PPP2R2B: variants seen among roughly 807,000 people sequenced by gnomAD.
The protein encoded by PPP2R2B is protein phosphatase 2 regulatory subunit Bbeta, also known as serine/threonine-protein phosphatase 2A 55 kDa regulatory subunit B beta isoform.
In PPP2R2B, 5 loss-of-function variants were observed where a neutral mutation model predicts 46.0. That is an observed-to-expected ratio of 0.11 (90% CI 0.06 to 0.23). The LOEUF is 0.23. Ranked by LOEUF, PPP2R2B falls within the 10% of genes least tolerant of loss-of-function variation. The pLI, the probability that PPP2R2B is intolerant of heterozygous loss-of-function variation, is 1.00. For synonymous variants in PPP2R2B, 215 were observed against 206.7 expected, an observed-to-expected ratio of 1.04 and a Z score of -0.34; for missense variants, 367 against 575.0, an observed-to-expected ratio of 0.64 and a Z score of 3.70.
chr5:147,076,896 G>A (rs1477694492), intron 2 of PPP2R2B, among the ~76,000 whole-genome samples: 4 of 151,832 alleles, frequency 2.6e-5, no homozygotes, highest in Non-Finnish European at 5.9e-5. Context: ...AATGCTTATT[G>A]TTGAACTCAC....
At chr5:147,077,723 C>A (rs532104175) in intron 2 of PPP2R2B, among the ~76,000 whole-genome samples, 1 of 152,232 alleles carries the variant, frequency 6.6e-6, no homozygotes, top group East Asian at 1.9e-4. Flanking sequence ...TGTGACCAAC[C>A]TAATTCTTCT....
chr5:147,020,804 C>T (rs1287266215), intron 1 of PPP2R2B, among the ~76,000 whole-genome samples: 1 of 152,088 alleles, frequency 6.6e-6, no homozygotes, highest in African/African-American at 2.4e-5. Flanking sequence ...GAAGTTCAGG[C>T]ATTTATATTC....
At chr5:147,071,474 T>C (rs1458281490) in intron 2 of PPP2R2B, among the ~76,000 whole-genome samples, 3 of 152,182 alleles carry the variant, frequency 2.0e-5, no homozygotes, top group Non-Finnish European at 4.4e-5. Flanking sequence ...TCTGCCATCA[T>C]CTGTCTCCAT....
chr5:146,906,306 C>CATTTATTT (rs35217325), intron 1 of PPP2R2B, among the ~76,000 whole-genome samples: 32,136 of 149,142 alleles, frequency 0.22, 4,065 homozygotes, highest in East Asian at 0.34. Context: ...TACCATTTTC[C>CATTTATTT]ATTTATTTAT....
chr5:146,889,171 G>A (rs1561497735), intron 1 of PPP2R2B, among the ~76,000 whole-genome samples: 1 of 152,174 alleles, frequency 6.6e-6, no homozygotes, highest in Non-Finnish European at 1.5e-5. Flanking sequence ...GAAAATTAAT[G>A]AACAACAAAC....
At chr5:146,738,186 G>C (rs1302391895) in intron 2 of PPP2R2B, among the ~76,000 whole-genome samples, 2 of 151,838 alleles carry the variant, frequency 1.3e-5, no homozygotes, top group African/African-American at 4.8e-5. Flanking sequence ...CACGAGGTCA[G>C]GAGATCGAGA....
At chr5:146,616,768 G>T (rs766238505) in intron 7 of PPP2R2B, among the ~76,000 whole-genome samples, 1 of 152,160 alleles carries the variant, frequency 6.6e-6, no homozygotes, top group Non-Finnish European at 1.5e-5. Context: ...TACATTGTTG[G>T]TGGGAATGAA....
At chr5:147,060,696 C>T (rs942463465), upstream of PPP2R2B, among the ~76,000 whole-genome samples, 6 of 152,084 alleles carry the variant, frequency 3.9e-5, no homozygotes, top group Non-Finnish European at 8.8e-5. Flanking sequence ...CTCTCTTCTT[C>T]GGGTATAATA....
chr5:146,978,811 C>A (rs1449341362), intron 1 of PPP2R2B, among the ~76,000 whole-genome samples: 2 of 152,132 alleles, frequency 1.3e-5, no homozygotes, highest in Non-Finnish European at 2.9e-5. Context: ...CATGATGCCT[C>A]CAGCTTTGTT....
intron 2 of PPP2R2B, among the ~76,000 whole-genome samples, chr5:146,843,692 G>A (rs1229594065): frequency 1.3e-5 from 2 of 152,116 alleles, no homozygotes; most frequent in Non-Finnish European, 2.9e-5. Context: ...ATCTTACAGA[G>A]TTATCATGAC....
At chr5:146,623,990 C>G (rs551922653) in intron 7 of PPP2R2B, among the ~76,000 whole-genome samples, 1 of 152,078 alleles carries the variant, frequency 6.6e-6, no homozygotes, top group Non-Finnish European at 1.5e-5. Context: ...ATTACACACA[C>G]GAGAGATCCC....
At chr5:147,041,747 C>T (rs1277174042) in intron 1 of PPP2R2B, among the ~76,000 whole-genome samples, 2 of 152,102 alleles carry the variant, frequency 1.3e-5, no homozygotes, top group Non-Finnish European at 2.9e-5. Flanking sequence ...TTATTATTTG[C>T]TTTTTATTCA....
At chr5:146,958,520 C>G (rs574348643) in intron 1 of PPP2R2B, among the ~76,000 whole-genome samples, 32 of 152,282 alleles carry the variant, frequency 2.1e-4, no homozygotes, top group African/African-American at 6.3e-4. Context: ...ATTCATCACT[C>G]TTCATGTGCT....
At chr5:146,637,756 T>C (rs1581766803) in intron 7 of PPP2R2B, among the ~76,000 whole-genome samples, 1 of 152,220 alleles carries the variant, frequency 6.6e-6, no homozygotes, top group East Asian at 1.9e-4. Context: ...ATGGCTTTTA[T>C]GTTCTCAGCC....
chr5:146,878,302 G>A lies in PPP2R2B; in HGVS notation c.-124-107C>T. 6.9e-7 allele frequency: 1 copy of A among 1,456,124 alleles called. No individual in the cohort carries two copies. The highest frequency in any genetic ancestry group is 1.4e-5 in the South Asian group (1 of 69,460). The allele number at this position is 1,456,124 out of a possible 1,614,324, so 90.2% of individuals were successfully genotyped here. A position where few individuals can be genotyped will look rare whatever the true frequency, so the allele number is the denominator to read the frequency against. On this transcript the variant is annotated intron_variant, in intron 1 of 9. Transcript: ENST00000394411. This position sits in a 1 kb window ranked among gnomAD's most constrained non-coding sequence, Gnocchi z 4.5. Reference sequence around the variant, plus strand: ...GAGGCTGCGGCGGCTCCTCCCGCGCGGTGCGCTCACTCCAGCTCCAGTTCC... The same window carrying A: ...GAGGCTGCGGCGGCTCCTCCCGCGCAGTGCGCTCACTCCAGCTCCAGTTCC...
In PPP2R2B at chr5:146,928,117, G is replaced by C. The variant is rs188151486; in HGVS notation, c.79+127548C>G. ...CTTCCACATATCAGTCAAGGCTTGG[G>C]GTTGGTTTCCTGAGGAACATGTCTT... On this transcript the variant is annotated intron_variant, in intron 1 of 8. Transcript: ENST00000336640. 2.0e-5 allele frequency among the ~76,000 whole-genome samples: 3 copies of C among 152,202 alleles called. No homozygotes were observed. In the East Asian group the frequency reaches 5.8e-4, roughly 29 times the overall value.
intron 6 of PPP2R2B, among the ~76,000 whole-genome samples, chr5:146,641,400 G>C (rs1252717561): frequency 6.6e-6 from 1 of 152,120 alleles, no homozygotes; most frequent in Non-Finnish European, 1.5e-5. Context: ...GCTAATCTGA[G>C]AGGGCAGCCC....
chr5:146,962,208 T>C (rs761596758), intron 1 of PPP2R2B, among the ~76,000 whole-genome samples: 82 of 149,896 alleles, frequency 5.5e-4, no homozygotes, highest in Non-Finnish European at 1.0e-3. Context: ...ATACACTTGT[T>C]TTTTTCTTTG....
chr5:146,844,652 C>G (rs1389346734), intron 2 of PPP2R2B, among the ~76,000 whole-genome samples: 1 of 152,136 alleles, frequency 6.6e-6, no homozygotes, highest in Admixed American at 6.5e-5. Context: ...CAGAAAGCAC[C>G]CTGAACACTG....
Sources: gnomAD v4.1 joint callset for allele counts (sites outside exome capture counted in the v4.1 genomes callset) on GRCh38, gnomAD v4.1.1 for gene constraint, Gnocchi (gnomAD v3.1) non-coding constraint, MANE v1.5 for transcripts, NCBI Gene and HGNC (gene_info 2026-07-23, HGNC 2026-07-21) for gene names.